CDH4: variants seen among roughly 807,000 people sequenced by gnomAD.
CDH4 encodes the protein cadherin 4.
Under a neutral mutation model 86.0 loss-of-function variants are expected in CDH4, and 33 were observed. The observed-to-expected ratio is 0.38, with a 90% CI of 0.29 to 0.51. The LOEUF (loss-of-function observed/expected upper bound fraction) is 0.51. CDH4 is among the 20% of genes least tolerant of loss of function. CDH4 has a pLI of 0.86. For synonymous variants in CDH4, 555 were observed against 549.4 expected (o/e 1.01, Z -0.14); for missense variants, 1,114 against 1,307.4 (o/e 0.85, Z 2.28).
At chr20:61,793,496 G>A (rs1431235408) in intron 4 of CDH4, among the ~76,000 whole-genome samples, 2 of 152,136 alleles carry the variant, frequency 1.3e-5, no homozygotes, top group Admixed American at 6.5e-5. Flanking sequence ...CCCATAAAGC[G>A]GCCCCCGAGG....
At chr20:61,907,355 GC>G (rs2054801123) in intron 8 of CDH4, among the ~76,000 whole-genome samples, 5 of 152,196 alleles carry the variant, frequency 3.3e-5, no homozygotes, top group Middle Eastern at 3.4e-3. Context: ...GGGCCTGGCC[GC>G]CCAGGATCCC....
intron 5 of CDH4, among the ~76,000 whole-genome samples, chr20:61,852,339 C>T (rs1982764320): frequency 6.6e-6 from 1 of 152,220 alleles, no homozygotes; most frequent in Admixed American, 6.5e-5. Context: ...GGAGTTAAGC[C>T]CCCGCCCAAT....
At chr20:61,523,685 G>A (rs150533191) in intron 2 of CDH4, among the ~76,000 whole-genome samples, 55 of 152,328 alleles carry the variant, frequency 3.6e-4, no homozygotes, top group African/African-American at 1.3e-3. Context: ...GGCCAGGAGG[G>A]CACCACACGC....
chr20:61,878,114 G>C (rs1006105288), intron 7 of CDH4, among the ~76,000 whole-genome samples: 3 of 152,160 alleles, frequency 2.0e-5, no homozygotes, highest in African/African-American at 7.2e-5. Context: ...GGCAGCTGGG[G>C]CAAAGCTAAG....
chr20:61,710,107 C>G (rs2087873877), intron 2 of CDH4, among the ~76,000 whole-genome samples: 1 of 152,156 alleles, frequency 6.6e-6, no homozygotes, highest in Non-Finnish European at 1.5e-5. Flanking sequence ...AACCGAGAAC[C>G]TCAAAGCCCT....
chr20:61,860,171 CT>C (rs1213510781), intron 6 of CDH4, among the ~76,000 whole-genome samples: 4 of 152,264 alleles, frequency 2.6e-5, no homozygotes, highest in Non-Finnish European at 4.4e-5. Flanking sequence ...ATAATACATT[CT>C]GGCTCAAAAT....
At chr20:61,715,609 T>G (rs1212011567) in intron 2 of CDH4, among the ~76,000 whole-genome samples, 2 of 152,206 alleles carry the variant, frequency 1.3e-5, no homozygotes, top group Non-Finnish European at 2.9e-5. Flanking sequence ...AGTTTCCAAC[T>G]CAAACACATT....
chr20:61,489,672 C>T (rs542167157), intron 2 of CDH4, among the ~76,000 whole-genome samples: 5 of 152,352 alleles, frequency 3.3e-5, no homozygotes, highest in African/African-American at 4.8e-5. Flanking sequence ...CTTGCACAGA[C>T]GCTTTGCACG....
At chr20:61,910,302 G>T (rs2054835684) in intron 8 of CDH4, 120 bp from the exon 9 acceptor site, 1 of 837,016 alleles carries the variant, frequency 1.2e-6, no homozygotes, top group African/African-American at 1.7e-5. Context: ...ACTCGAGCTG[G>T]GCTGACACGG....
At chr20:61,675,114 C>T (rs553545013) in intron 2 of CDH4, among the ~76,000 whole-genome samples, 13 of 152,222 alleles carry the variant, frequency 8.5e-5, no homozygotes, top group Non-Finnish European at 1.2e-4. Context: ...GTCTGAGCGA[C>T]GTGTGACAGG....
chr20:61,267,826 C>A (rs184646761), intron 2 of CDH4, among the ~76,000 whole-genome samples: 75 of 152,212 alleles, frequency 4.9e-4, no homozygotes, highest in Middle Eastern at 6.8e-3. Flanking sequence ...TCTTCTCTGC[C>A]CAAAACCGCT....
intron 2 of CDH4, among the ~76,000 whole-genome samples, chr20:61,652,938 A>ATTTTTATTTTT (rs2087138479): frequency 1.0e-5 from 1 of 97,402 alleles, no homozygotes; most frequent in Non-Finnish European, 2.4e-5. Flanking sequence ...TTATTTATTT[A>ATTTTTATTTTT]TTTTTTTTTT....
At chr20:61,797,935 G>A (rs1326522740) in intron 4 of CDH4, among the ~76,000 whole-genome samples, 1 of 152,202 alleles carries the variant, frequency 6.6e-6, no homozygotes, top group Non-Finnish European at 1.5e-5. Flanking sequence ...CAAGCTGCGG[G>A]CCTCACGGGG....
intron 6 of CDH4, among the ~76,000 whole-genome samples, chr20:61,854,965 C>A (rs1470910432): frequency 1.8e-5 from 2 of 109,678 alleles, no homozygotes; most frequent in East Asian, 3.2e-4. Flanking sequence ...GCGCCTTTGG[C>A]CCACCCCCAG....
chr20:61,571,177 C>T (rs889195471), intron 2 of CDH4, among the ~76,000 whole-genome samples: 3 of 152,030 alleles, frequency 2.0e-5, no homozygotes, highest in African/African-American at 7.2e-5. Flanking sequence ...CCAGGGACAC[C>T]GGCTTTGAGG....
chr20:61,497,976 A>G (rs1407610420), intron 2 of CDH4, among the ~76,000 whole-genome samples: 2 of 147,524 alleles, frequency 1.4e-5, no homozygotes, highest in Non-Finnish European at 3.0e-5. Flanking sequence ...CAAACACCGC[A>G]TGTTCTCACT....
At chr20:61,437,844 C>T (rs1449805951) in intron 2 of CDH4, among the ~76,000 whole-genome samples, 1 of 152,182 alleles carries the variant, frequency 6.6e-6, no homozygotes, top group Admixed American at 6.5e-5. Flanking sequence ...AGATGTGCCC[C>T]TGGAAAACAG....
intron 2 of CDH4, among the ~76,000 whole-genome samples, chr20:61,726,187 C>T (rs1183766078): frequency 6.6e-6 from 1 of 152,052 alleles, no homozygotes; most frequent in African/African-American, 2.4e-5. Context: ...CTGGGTACCC[C>T]CAGTGGCCCA....
At chr20:61,317,932 C>T (rs2084485828) in intron 2 of CDH4, among the ~76,000 whole-genome samples, 1 of 152,216 alleles carries the variant, frequency 6.6e-6, no homozygotes, top group African/African-American at 2.4e-5. Flanking sequence ...ATGATCCAGC[C>T]ATTGCAACTG....
Sources: gnomAD v4.1 joint callset for allele counts (sites outside exome capture counted in the v4.1 genomes callset) on GRCh38, gnomAD v4.1.1 for gene constraint, MANE v1.5 for transcripts, NCBI Gene and HGNC (gene_info 2026-07-23, HGNC 2026-07-21) for gene names.